ATL3: variants seen among roughly 807,000 people sequenced by gnomAD.
The protein encoded by ATL3 is atlastin GTPase 3.
A neutral mutation model predicts 69.5 loss-of-function variants in ATL3; 49 were observed. That is an observed-to-expected ratio of 0.71 (90% CI 0.56 to 0.89). The LOEUF (loss-of-function observed/expected upper bound fraction) is 0.89, where lower values mean the gene tolerates loss of function less well. Among genes scored for constraint, ATL3 ranks in the 40% least tolerant of loss-of-function variants. ATL3 has a pLI of 0.00. For missense variants in ATL3, 606 were observed against 645.7 expected, an observed-to-expected ratio of 0.94 and a Z score of 0.67; for synonymous variants, 214 against 224.1, an observed-to-expected ratio of 0.95 and a Z score of 0.40.
rs1173411443 is a variant in ATL3, at chr11:63,636,307, A to T, written c.878T>A (p.Leu293Ter). The change falls in exon 9 of 13, where the codon TTA becomes TAA. Residue 293 changes from leucine (L) to a stop codon, truncating the protein, a stop_gained. Transcript: ENST00000398868. LOFTEE classifies it high-confidence loss of function. ...KDIAGEFKEQ[L>*]QALIPYVLNP... ...TAATACATACGGTATCAGTGCCTGT[A>T]ACTGCTCTTTGAATTCACCAGCAAT... 6.2e-7 allele frequency: 1 copy of T among 1,614,182 alleles called. No homozygotes were observed. Among genetic ancestry groups the T allele is most frequent in the East Asian group, 2.2e-5 (1 of 44,880 alleles).
chr11:63,645,165 G>A (rs1050323390), intron 6 of ATL3, among the ~76,000 whole-genome samples: 2 of 152,056 alleles, frequency 1.3e-5, no homozygotes, highest in East Asian at 3.9e-4. Context: ...CCTTTACTCT[G>A]GGAGGCCGAA....
intron 1 of ATL3, among the ~76,000 whole-genome samples, chr11:63,667,582 T>C (rs1201864019): frequency 6.6e-6 from 1 of 152,016 alleles, no homozygotes; most frequent in Non-Finnish European, 1.5e-5. Flanking sequence ...ACCGATATAG[T>C]GGAACCCTGA....
At chr11:63,644,741 C>T (rs1219545931) in intron 6 of ATL3, among the ~76,000 whole-genome samples, 1 of 152,080 alleles carries the variant, frequency 6.6e-6, no homozygotes, top group African/African-American at 2.4e-5. Flanking sequence ...ACTGGAGGGA[C>T]ATGTTTAAGC....
At position 63,644,217 on chromosome 11, in the gene ATL3, A is replaced by G. The variant is rs1163046998; in HGVS notation, c.663T>C (p.Tyr221=). 1.9e-6 allele frequency: 3 copies of G among 1,611,508 alleles called. No individual in the cohort carries two copies. The highest frequency in any genetic ancestry group is 2.5e-6 in the Non-Finnish European group (3 of 1,178,860). The change falls in exon 7 of 13, where the codon TAT becomes TAC. Residue 221 remains tyrosine, a synonymous_variant. Coordinates refer to ENST00000398868, the MANE Select transcript of ATL3 (RefSeq NM_015459.5). ...LVRDWSFPYE[Y]SYGLQGGMAF... Reference sequence around the variant, plus strand: ...CCATTCCTCCTTGGAGTCCATAGCTATATTCATAAGGGAAACTCCAATCTC... The same window carrying G: ...CCATTCCTCCTTGGAGTCCATAGCTGTATTCATAAGGGAAACTCCAATCTC...
chr11:63,631,983 A>G (rs535365582), intron 11 of ATL3, among the ~76,000 whole-genome samples: 2 of 152,282 alleles, frequency 1.3e-5, no homozygotes, highest in East Asian at 1.9e-4. Context: ...CTCCGTCTCT[A>G]AAAAACAAAA....
At chr11:63,652,375 C>A in intron 4 of ATL3, 96 bp downstream of exon 4, 1 of 764,166 alleles carries the variant, frequency 1.3e-6, no homozygotes, top group Non-Finnish European at 2.0e-6. Context: ...ACATATCATC[C>A]TAGAAATTCT....
At chr11:63,670,894 G>C (rs1940748952) in intron 1 of ATL3, among the ~76,000 whole-genome samples, 1 of 152,146 alleles carries the variant, frequency 6.6e-6, no homozygotes, top group Admixed American at 6.5e-5. Flanking sequence ...CGGAGGGGCA[G>C]CGCCCTGGGG....
At chr11:63,643,144 G>C (rs768163368) in intron 8 of ATL3, among the ~76,000 whole-genome samples, 4 of 152,170 alleles carry the variant, frequency 2.6e-5, no homozygotes, top group Non-Finnish European at 4.4e-5. Flanking sequence ...ACTACTAATG[G>C]ATATGAACAC....
Position 63,624,502 on chromosome 11 carries a change from A to T in ATL3, c.*4817T>A, listed in dbSNP as rs539864968. 1.3e-5 allele frequency: 2 copies of T among 152,324 alleles called. No homozygotes were observed. The highest frequency in any genetic ancestry group is 4.1e-4 in the South Asian group (2 of 4,826). The allele number at this position is 152,324 out of a possible 1,614,324, so 9.4% of individuals were successfully genotyped here. Reference sequence around the variant, plus strand: ...TTTTGCAAAGTTTCTGATATGGGGTACTTAGGTCACTAATGACAGGAATTA... The same window carrying T: ...TTTTGCAAAGTTTCTGATATGGGGTTCTTAGGTCACTAATGACAGGAATTA... On this transcript the variant is annotated 3_prime_UTR_variant, in exon 13 of 13. Coordinates refer to ENST00000398868, the MANE Select transcript of ATL3 (RefSeq NM_015459.5).
chr11:63,651,267 C>A (rs1262082691), intron 5 of ATL3, among the ~76,000 whole-genome samples: 9 of 151,972 alleles, frequency 5.9e-5, no homozygotes, highest in African/African-American at 2.2e-4. Flanking sequence ...CCAGCCGGAC[C>A]GACATGGTGA....
Position 63,628,092 on chromosome 11 carries a change from A to G in ATL3, c.*1227T>C, listed in dbSNP as rs1289151915. 4 of 152,208 alleles carry G rather than the reference A, an allele frequency of 2.6e-5. No individual in the cohort carries two copies. Among genetic ancestry groups the G allele is most frequent in the Non-Finnish European group, 5.9e-5 (4 of 68,046 alleles). The allele number at this position is 152,208 out of a possible 1,614,324, so 9.4% of individuals were successfully genotyped here. A position where few individuals can be genotyped will look rare whatever the true frequency, so the allele number is the denominator to read the frequency against. ...CTGTTCTTATGCAGAACTCTCAAAA[A>G]CAAAACCCCTCAAATGACAATTACA... On this transcript the variant is annotated 3_prime_UTR_variant, in exon 13 of 13. Coordinates refer to ENST00000398868, the MANE Select transcript of ATL3 (RefSeq NM_015459.5).
At chr11:63,654,673 C>T (rs1940185331) in intron 3 of ATL3, among the ~76,000 whole-genome samples, 1 of 151,304 alleles carries the variant, frequency 6.6e-6, no homozygotes, top group Non-Finnish European at 1.5e-5. Context: ...GCTGGGATTA[C>T]AGGCCTAAGC....
intron 1 of ATL3, among the ~76,000 whole-genome samples, chr11:63,666,710 C>G (rs529824765): frequency 1.3e-5 from 2 of 152,166 alleles, no homozygotes; most frequent in Admixed American, 1.3e-4. Flanking sequence ...GTGCCCGGTC[C>G]ACTTGTCAGG....
rs141346620 is a variant in ATL3 at position 63,669,014 on chromosome 11, TG to T, written c.46+2275del. ...AACTTTTTTTTAATTTTTTTTTGGG[TG>T]GGGGGGGGCGTCTCACCATGTTGGC... On this transcript the variant is annotated intron_variant, in intron 1 of 12. Coordinates refer to ENST00000398868, the MANE Select transcript of ATL3 (RefSeq NM_015459.5). Among the ~76,000 whole-genome samples the T allele has an allele frequency of 9.8e-3, 1,064 of 108,878 alleles. 45 individuals are homozygous for T. The highest frequency in any genetic ancestry group is 0.015 in the Non-Finnish European group (752 of 50,348). The allele number at this position is 108,878 out of a possible 152,430, so 71.4% of individuals were successfully genotyped here.
intron 1 of ATL3, among the ~76,000 whole-genome samples, chr11:63,663,319 T>C (rs1038218614): frequency 1.2e-4 from 19 of 152,010 alleles, no homozygotes; most frequent in African/African-American, 4.3e-4. Flanking sequence ...GGGGGTCTCA[T>C]TATGTGGCCC....
At chr11:63,644,003 T>A (rs1203500949) in intron 7 of ATL3, among the ~76,000 whole-genome samples, 166 bp downstream of exon 7, 4 of 152,240 alleles carry the variant, frequency 2.6e-5, no homozygotes, top group Non-Finnish European at 5.9e-5. Context: ...TATATACAGG[T>A]TCTTTAATCT....
At chr11:63,643,322 C>T (rs762792766) in intron 8 of ATL3, 35 bp downstream of exon 8, 5 of 1,535,226 alleles carry the variant, frequency 3.3e-6, no homozygotes, top group Middle Eastern at 3.5e-4. Flanking sequence ...TTCCAAAGAT[C>T]GAATCACAGG....
intron 1 of ATL3, among the ~76,000 whole-genome samples, chr11:63,665,240 G>A (rs1940539333): frequency 6.6e-6 from 1 of 151,848 alleles, no homozygotes; most frequent in Non-Finnish European, 1.5e-5. Context: ...AGCTACTCGG[G>A]AGGCTGAGGC....
chr11:63,665,288 G>C (rs187062083), intron 1 of ATL3, among the ~76,000 whole-genome samples: 2 of 151,536 alleles, frequency 1.3e-5, no homozygotes, highest in African/African-American at 2.4e-5. Flanking sequence ...GGAGGTTGCG[G>C]TGAGCTGAGA....
Sources: allele counts gnomAD v4.1 joint callset (sites outside exome capture counted in the v4.1 genomes callset), GRCh38; gene constraint gnomAD v4.1.1; transcripts MANE v1.5; gene names NCBI Gene and HGNC (gene_info 2026-07-23, HGNC 2026-07-21).